ATP6V1C1: variants seen among roughly 807,000 people sequenced by gnomAD.
ATP6V1C1 encodes V-type proton ATPase subunit C 1.
A neutral mutation model predicts 53.9 loss-of-function variants in ATP6V1C1; 45 were observed. The ratio of observed to expected loss-of-function variants is 0.83; its 90% CI spans 0.66 to 1.07. The LOEUF is 1.07. ATP6V1C1 is among the 50% of genes least tolerant of loss of function. The pLI, the probability that ATP6V1C1 is intolerant of heterozygous loss-of-function variation, is 0.00. For missense variants in ATP6V1C1, 315 were observed against 440.3 expected (o/e 0.72, Z 2.55); for synonymous variants, 153 against 155.2 (o/e 0.99, Z 0.11).
chr8:103,031,913 C>G (rs1400059662), intron 1 of ATP6V1C1, among the ~76,000 whole-genome samples: 1 of 151,732 alleles, frequency 6.6e-6, no homozygotes, highest in Non-Finnish European at 1.5e-5. Context: ...ATGAATGGAT[C>G]CAAGAAACTC....
intron 3 of ATP6V1C1, 63 bp downstream of exon 3, chr8:103,042,470 C>A: frequency 6.6e-7 from 1 of 1,517,392 alleles, no homozygotes; most frequent in Non-Finnish European, 9.1e-7. Flanking sequence ...GCTTCATGGA[C>A]ACTGGGTTTA....
chr8:103,061,963 C>G (rs1182375808), intron 8 of ATP6V1C1, among the ~76,000 whole-genome samples: 1 of 151,942 alleles, frequency 6.6e-6, no homozygotes, highest in African/African-American at 2.4e-5. Flanking sequence ...GGACTTTCAC[C>G]CAAGGTATTA....
At chr8:103,042,458 A>C in intron 3 of ATP6V1C1, 51 bp downstream of exon 3, 2 of 1,554,656 alleles carry the variant, frequency 1.3e-6, no homozygotes, top group Non-Finnish European at 8.9e-7. Flanking sequence ...CACTATTATC[A>C]GGCTTCATGG....
chr8:103,069,605 G>A lies in ATP6V1C1; in HGVS notation c.*858G>A, dbSNP rs921792173. On this transcript the variant is annotated 3_prime_UTR_variant, in exon 13 of 13. Transcript: ENST00000518738. The stretch of plus-strand genomic sequence containing the variant: ...TGTTTTGTCTAAGTCTGTATTTTAT[G>A]TGTTGTCTTCTTAAGATCTATAATT... 16 of 152,150 alleles carry A rather than the reference G, an allele frequency of 1.1e-4. No homozygotes were observed. The highest frequency in any genetic ancestry group is 3.4e-4 in the African/African-American group (14 of 41,434). 9.4% of individuals were successfully genotyped at this position (152,150 alleles called of 1,614,324 possible). A position where few individuals can be genotyped will look rare whatever the true frequency, so the allele number is the denominator to read the frequency against.
intron 3 of ATP6V1C1, among the ~76,000 whole-genome samples, chr8:103,044,127 G>A (rs188705797): frequency 6.6e-6 from 1 of 151,634 alleles, no homozygotes. Flanking sequence ...GACATGATGC[G>A]CGTGCCTCAG....
intron 3 of ATP6V1C1, among the ~76,000 whole-genome samples, chr8:103,047,466 T>A (rs1376324359): frequency 3.4e-5 from 4 of 118,308 alleles, no homozygotes; most frequent in African/African-American, 5.8e-5. Context: ...ACACACACAT[T>A]TTTTTTTTAA....
chr8:103,047,422 A>ATG (rs1491105375), intron 3 of ATP6V1C1, among the ~76,000 whole-genome samples: 1 of 64,500 alleles, frequency 1.6e-5, no homozygotes, highest in African/African-American at 5.3e-5. Flanking sequence ...AAAAAAAAAA[A>ATG]TGCGCGCGCA....
chr8:103,047,464 A>ACACACACACACACAT (rs137856477), intron 3 of ATP6V1C1, among the ~76,000 whole-genome samples: 278 of 125,502 alleles, frequency 2.2e-3, no homozygotes, highest in Non-Finnish European at 3.0e-3. Flanking sequence ...ACACACACAC[A>ACACACACACACACAT]TTTTTTTTTT....
intron 8 of ATP6V1C1, among the ~76,000 whole-genome samples, chr8:103,058,931 CTG>C (rs1022551001): frequency 7.3e-5 from 11 of 151,444 alleles, no homozygotes; most frequent in African/African-American, 2.7e-4. Flanking sequence ...TGTTGAAACA[CTG>C]TTCAGAAAGA....
At chr8:103,064,894 G>A in intron 11 of ATP6V1C1, 83 bp downstream of exon 11, 3 of 1,202,308 alleles carry the variant, frequency 2.5e-6, no homozygotes, top group Non-Finnish European at 3.5e-6. Context: ...ACACAGTCCA[G>A]CAATAGGAAA....
chr8:103,051,690 T>C (rs1817203178), intron 5 of ATP6V1C1, among the ~76,000 whole-genome samples: 1 of 152,084 alleles, frequency 6.6e-6, no homozygotes, highest in Non-Finnish European at 1.5e-5. Flanking sequence ...AGTTAAGAGC[T>C]CCTTTTATAT....
intron 1 of ATP6V1C1, among the ~76,000 whole-genome samples, chr8:103,025,236 C>G (rs1816675404): frequency 6.6e-6 from 1 of 152,212 alleles, no homozygotes; most frequent in Non-Finnish European, 1.5e-5. Flanking sequence ...CCTTTTGAAT[C>G]AGCCCATAGT....
At chr8:103,044,713 C>CT (rs1817064799) in intron 3 of ATP6V1C1, among the ~76,000 whole-genome samples, 2 of 133,830 alleles carry the variant, frequency 1.5e-5, no homozygotes, top group African/African-American at 5.6e-5. Context: ...ATTCTGGGTT[C>CT]TTTGTCTTTT....
At position 103,040,904 on chromosome 8, in the gene ATP6V1C1, A is replaced by T. The variant is rs1349081542; in HGVS notation, c.68A>T (p.His23Leu). The T allele has an allele frequency of 1.9e-6, 3 of 1,614,032 alleles. No individual in the cohort carries two copies. In the African/African-American group the frequency reaches 4.0e-5, roughly 22 times the overall value. Residue 23 changes from histidine to leucine, a missense_variant, in exon 2 of 13, where the codon CAT (histidine) becomes CTT (leucine). Coordinates refer to ENST00000518738, the MANE Select transcript of ATP6V1C1 (RefSeq NM_001695.5). Reference protein sequence around the residue: ...KTCQQTWEKLHAATSKNNNLA... With the variant: ...KTCQQTWEKLLAATSKNNNLA... ...TGTCAGCAAACATGGGAGAAATTGC[A>T]TGCGGCAACTTCAAAGAACAATAAT...
At chr8:103,065,972 G>T (rs1447112774) in intron 11 of ATP6V1C1, among the ~76,000 whole-genome samples, 1 of 151,986 alleles carries the variant, frequency 6.6e-6, no homozygotes, top group African/African-American at 2.4e-5. Context: ...AACCCAGGAG[G>T]CGGAGATTGC....
Position 103,063,211 on chromosome 8 carries a change from G to A in ATP6V1C1, c.811G>A (p.Asp271Asn), listed in dbSNP as rs1410447957. 3.7e-6 allele frequency: 6 copies of A among 1,602,298 alleles called. No individual in the cohort carries two copies. Among genetic ancestry groups the A allele is most frequent in the Admixed American group, 1.7e-5 (1 of 59,114 alleles). Reference protein sequence around the residue: ...DKEEMNRLSTDKKKQFGPLVR... With the variant: ...DKEEMNRLSTNKKKQFGPLVR... ...AGAAGAAATGAACAGGCTTTCTACT[G>A]ATAAGAAAAAACAATTTGTATGTGT... The change falls in exon 10 of 13, where the codon GAT becomes AAT. Residue 271 changes from aspartate (D) to asparagine (N), a missense_variant. By Grantham distance (23) the Asp-to-Asn change is conservative. Coordinates refer to ENST00000518738, the MANE Select transcript of ATP6V1C1 (RefSeq NM_001695.5).
rs73291906 is a variant in ATP6V1C1 at position 103,054,469 on chromosome 8, C to A, written c.572+487C>A. 6.5e-3 allele frequency among the ~76,000 whole-genome samples: 985 copies of A among 152,108 alleles called. 12 individuals carry two copies. Among genetic ancestry groups the A allele is most frequent in the Middle Eastern group, 0.031 (9 of 294 alleles). On this transcript the variant is annotated intron_variant, in intron 7 of 12. Coordinates refer to ENST00000518738, the MANE Select transcript of ATP6V1C1 (RefSeq NM_001695.5). ...CAATGTGATCTTTGTCACAACTACT[C>A]CACTGTGGCAACTTTGTGGTTATAG...
chr8:103,048,942 GT>G lies in ATP6V1C1; in HGVS notation c.275del (p.Leu92TrpfsTer11). 4 of 1,612,876 alleles carry G rather than the reference GT, an allele frequency of 2.5e-6. No homozygotes were observed. Among genetic ancestry groups the G allele is most frequent in the Non-Finnish European group, 3.4e-6 (4 of 1,179,394 alleles). On this transcript the variant is annotated frameshift_variant, in exon 4 of 13. Coordinates refer to ENST00000518738, the MANE Select transcript of ATP6V1C1 (RefSeq NM_001695.5). LOFTEE classifies it high-confidence loss of function. ...GCAAAGACAAAGTTCAAGAGAATCT[GT>G]TGGCTAATGGAGGTAAGCTAATGCT... ...DSKDKVQENL[L>X]ANGVDLVTYI...
At chr8:103,064,548 A>T (rs894754257) in intron 10 of ATP6V1C1, 166 bp from the exon 11 acceptor site, 1 of 536,546 alleles carries the variant, frequency 1.9e-6, no homozygotes, top group South Asian at 3.0e-5. Context: ...CTAATTTAAG[A>T]TAAGGTATCT....
Sources: allele counts gnomAD v4.1 joint callset (sites outside exome capture counted in the v4.1 genomes callset), GRCh38; gene constraint gnomAD v4.1.1; transcripts MANE v1.5; gene names NCBI Gene and HGNC (gene_info 2026-07-23, HGNC 2026-07-21).